The following ABCD2 variants were observed in gnomAD, a reference collection of about 807,000 sequenced individuals.
ABCD2 encodes ATP binding cassette subfamily D member 2, also known as ATP-binding cassette sub-family D member 2.
A neutral mutation model predicts 70.9 loss-of-function variants in ABCD2; 36 were observed. That is an observed-to-expected ratio of 0.51 (90% CI 0.39 to 0.67). The LOEUF is 0.67. ABCD2 is among the 30% of genes least tolerant of loss of function. The pLI, the probability that ABCD2 is intolerant of heterozygous loss-of-function variation, is 0.00. For synonymous variants in ABCD2, 304 were observed against 306.9 expected (o/e 0.99, Z 0.10); for missense variants, 729 against 890.2 (o/e 0.82, Z 2.30).
the ABCD2 span, among the ~76,000 whole-genome samples, chr12:39,541,161 G>A: frequency 6.6e-6 from 1 of 152,124 alleles, no homozygotes; most frequent in African/African-American, 2.4e-5. Context: ...AGAAATGGGA[G>A]ATTGGAAATA....
chr12:39,599,667 G>T (rs920309593), intron 6 of ABCD2, among the ~76,000 whole-genome samples: 1 of 152,168 alleles, frequency 6.6e-6, no homozygotes, highest in Non-Finnish European at 1.5e-5. Context: ...GCTATGTCTG[G>T]TCTAAAAATT....
chr12:39,541,517 A>G, the ABCD2 span, among the ~76,000 whole-genome samples: 3 of 152,220 alleles, frequency 2.0e-5, no homozygotes, highest in African/African-American at 7.2e-5. Context: ...AAAGGAATTC[A>G]GATTATGTAG....
intron 6 of ABCD2, among the ~76,000 whole-genome samples, chr12:39,597,220 C>A (rs942796117): frequency 6.6e-6 from 1 of 152,120 alleles, no homozygotes. Context: ...GTCTTTCTTC[C>A]TTCTGTCCCT....
chr12:39,595,133 T>C (rs923134302), intron 6 of ABCD2, among the ~76,000 whole-genome samples: 4 of 152,142 alleles, frequency 2.6e-5, no homozygotes, highest in Admixed American at 1.3e-4. Context: ...AGACAAATTA[T>C]AAAGAATGAT....
intron 9 of ABCD2, among the ~76,000 whole-genome samples, chr12:39,557,900 C>T (rs745592209): frequency 5.5e-4 from 84 of 152,302 alleles, no homozygotes; most frequent in Middle Eastern, 3.4e-3. Context: ...TTATGGAGAA[C>T]CATTGCTAGG....
At chr12:39,531,467 T>G in the ABCD2 span, among the ~76,000 whole-genome samples, 1 of 152,240 alleles carries the variant, frequency 6.6e-6, no homozygotes, top group South Asian at 2.1e-4. Flanking sequence ...CAGTTTATTT[T>G]GCAGCTTCTT....
intron 9 of ABCD2, among the ~76,000 whole-genome samples, chr12:39,561,213 T>C (rs1235605055): frequency 6.7e-6 from 1 of 149,896 alleles, no homozygotes; most frequent in Admixed American, 6.7e-5. Flanking sequence ...CTGGCCAACA[T>C]GGTGAAACCC....
At chr12:39,537,450 T>G in the ABCD2 span, among the ~76,000 whole-genome samples, 1 of 152,232 alleles carries the variant, frequency 6.6e-6, no homozygotes, top group Non-Finnish European at 1.5e-5. Context: ...ATGTCTGAAA[T>G]GTTTAAAGTT....
the ABCD2 span, among the ~76,000 whole-genome samples, chr12:39,544,340 G>T: frequency 6.6e-6 from 1 of 152,118 alleles, no homozygotes; most frequent in South Asian, 2.1e-4. Context: ...GCAGTTTAGG[G>T]AGGGTAGGAA....
chr12:39,534,432 TG>T, the ABCD2 span, among the ~76,000 whole-genome samples: 1 of 152,172 alleles, frequency 6.6e-6, no homozygotes, highest in African/African-American at 2.4e-5. Flanking sequence ...CTGTAAAAAT[TG>T]GGCTTACACC....
At chr12:39,538,795 G>A in the ABCD2 span, among the ~76,000 whole-genome samples, 49 of 152,266 alleles carry the variant, frequency 3.2e-4, no homozygotes, top group Non-Finnish European at 6.3e-4. Flanking sequence ...CCGGCGGGAA[G>A]ACACCTACCC....
At chr12:39,531,260 T>C in the ABCD2 span, among the ~76,000 whole-genome samples, 1 of 152,178 alleles carries the variant, frequency 6.6e-6, no homozygotes, top group African/African-American at 2.4e-5. Context: ...GTTTCTGCTA[T>C]GGTTTGAATG....
chr12:39,547,132 C>T (rs1490032294), downstream of ABCD2, among the ~76,000 whole-genome samples: 1 of 151,996 alleles, frequency 6.6e-6, no homozygotes, highest in Non-Finnish European at 1.5e-5. Flanking sequence ...ATCAAAACTA[C>T]AGTGAGATAT....
At chr12:39,608,534 G>A (rs1011676711) in intron 2 of ABCD2, among the ~76,000 whole-genome samples, 1 of 151,498 alleles carries the variant, frequency 6.6e-6, no homozygotes, top group African/African-American at 2.4e-5. Context: ...CAAAAAAAAC[G>A]AAGATTAGCC....
intron 6 of ABCD2, among the ~76,000 whole-genome samples, chr12:39,591,249 C>T (rs919285795): frequency 1.3e-5 from 2 of 152,048 alleles, no homozygotes; most frequent in African/African-American, 2.4e-5. Context: ...AGATTTGAGT[C>T]ATTTATAGTA....
At chr12:39,583,882 T>G (rs1439157727) in intron 7 of ABCD2, among the ~76,000 whole-genome samples, 1 of 152,212 alleles carries the variant, frequency 6.6e-6, no homozygotes. Flanking sequence ...CTGCATAATA[T>G]TCCATGGTGG....
chr12:39,539,306 A>T, the ABCD2 span, among the ~76,000 whole-genome samples: 1 of 152,142 alleles, frequency 6.6e-6, no homozygotes, highest in African/African-American at 2.4e-5. Flanking sequence ...CTGTTGAAAA[A>T]CTTGGCAGGA....
the ABCD2 span, among the ~76,000 whole-genome samples, chr12:39,538,411 G>C: frequency 9.2e-5 from 14 of 152,186 alleles, no homozygotes; most frequent in East Asian, 1.9e-3. Context: ...CTGGCCCCAA[G>C]TCATCTGTCT....
downstream of ABCD2, among the ~76,000 whole-genome samples, chr12:39,546,551 G>A (rs2120488126): frequency 6.6e-6 from 1 of 152,208 alleles, no homozygotes; most frequent in South Asian, 2.1e-4. Context: ...CAATAAAACT[G>A]GGTAATGTGT....
Sources: gnomAD v4.1 joint callset for allele counts (sites outside exome capture counted in the v4.1 genomes callset) on GRCh38, gnomAD v4.1.1 for gene constraint, MANE v1.5 for transcripts, NCBI Gene and HGNC (gene_info 2026-07-23, HGNC 2026-07-21) for gene names.